CADM2: variants seen among roughly 807,000 people sequenced by gnomAD.
CADM2 encodes cell adhesion molecule 2.
In CADM2, 12 loss-of-function variants were observed where a neutral mutation model predicts 49.8. That is an observed-to-expected ratio of 0.24 (90% CI 0.15 to 0.39). The LOEUF (loss-of-function observed/expected upper bound fraction) is 0.39, where lower values mean the gene tolerates loss of function less well. Among genes scored for constraint, CADM2 ranks in the 10% least tolerant of loss-of-function variants. CADM2 has a pLI of 1.00. For synonymous variants in CADM2, 214 were observed against 175.4 expected, an observed-to-expected ratio of 1.22 and a Z score of -1.74; for missense variants, 378 against 492.3, an observed-to-expected ratio of 0.77 and a Z score of 2.20.
chr3:85,776,353 A>G (rs1350513264), intron 2 of CADM2, among the ~76,000 whole-genome samples: 6 of 151,760 alleles, frequency 4.0e-5, no homozygotes, highest in Admixed American at 2.0e-4. Flanking sequence ...ACACACACAC[A>G]CACACACACA....
intron 1 of CADM2, among the ~76,000 whole-genome samples, chr3:85,643,381 G>T (rs915668706): frequency 6.6e-6 from 1 of 152,066 alleles, no homozygotes; most frequent in Non-Finnish European, 1.5e-5. Context: ...ATAACACAAA[G>T]AACTTTTATA....
At chr3:85,627,150 T>C (rs1291427739) in intron 1 of CADM2, among the ~76,000 whole-genome samples, 1 of 152,040 alleles carries the variant, frequency 6.6e-6, no homozygotes, top group Non-Finnish European at 1.5e-5. Context: ...TTGGAAACCT[T>C]GTGTCTGATA....
At chr3:85,847,537 C>T (rs2074933766) in intron 3 of CADM2, among the ~76,000 whole-genome samples, 1 of 152,114 alleles carries the variant, frequency 6.6e-6, no homozygotes, top group Admixed American at 6.5e-5. Context: ...ATTACTTAAT[C>T]TTAAAAATGT....
rs569984024 is a variant in CADM2, at chr3:84,970,768, G to A, written c.61+11100G>A. Among the ~76,000 whole-genome samples, 5 of 152,104 alleles carry A rather than the reference G, an allele frequency of 3.3e-5. No individual in the cohort carries two copies. The South Asian group carries it at 1.0e-3, about 32-fold the overall frequency. ...CTATTAGCACCTAGTCTTGCTTTAT[G>A]TTAAACCATGTCTGTATGATGCTAC... is the stretch of plus-strand genomic sequence containing the variant. On this transcript the variant is annotated intron_variant, in intron 1 of 9. Transcript: ENST00000383699.
chr3:85,927,939 C>T (rs549748551), intron 6 of CADM2, among the ~76,000 whole-genome samples: 2 of 152,140 alleles, frequency 1.3e-5, no homozygotes, highest in Admixed American at 6.5e-5. Flanking sequence ...ACGCTAAATA[C>T]TTTCAAAGCT....
At chr3:85,265,681 A>T (rs1418151113) in intron 1 of CADM2, among the ~76,000 whole-genome samples, 1 of 151,990 alleles carries the variant, frequency 6.6e-6, no homozygotes, top group Non-Finnish European at 1.5e-5. Context: ...ACTTTGGGGG[A>T]CACATTCAAA....
intron 8 of CADM2, among the ~76,000 whole-genome samples, chr3:86,046,692 G>T (rs148605243): frequency 2.0e-5 from 3 of 152,188 alleles, no homozygotes; most frequent in South Asian, 2.1e-4. Flanking sequence ...TATCAGCATG[G>T]ACAATAGGAC....
At chr3:85,801,068 C>T (rs1306244606) in intron 2 of CADM2, 1 of 152,104 alleles carries the variant, frequency 6.6e-6, no homozygotes, top group Non-Finnish European at 1.5e-5. Context: ...ATATTTTAAC[C>T]TGGTTCTAGA....
At chr3:85,882,848 A>G (rs1713018289) in intron 3 of CADM2, among the ~76,000 whole-genome samples, 1 of 152,206 alleles carries the variant, frequency 6.6e-6, no homozygotes, top group East Asian at 1.9e-4. Context: ...TCTACTGCAG[A>G]GAGCTTGTAA....
At chr3:85,223,242 A>G (rs2042079626) in intron 1 of CADM2, among the ~76,000 whole-genome samples, 1 of 152,224 alleles carries the variant, frequency 6.6e-6, no homozygotes, top group Admixed American at 6.5e-5. Flanking sequence ...AGAGGTATGA[A>G]AAAACAGGAT....
intron 7 of CADM2, among the ~76,000 whole-genome samples, chr3:85,941,589 C>T (rs748081252): frequency 6.6e-6 from 1 of 151,988 alleles, no homozygotes; most frequent in Non-Finnish European, 1.5e-5. Flanking sequence ...TCCTGAGCCA[C>T]AGGAAAAGCC....
intron 1 of CADM2, among the ~76,000 whole-genome samples, chr3:85,252,277 A>G (rs566914893): frequency 3.9e-5 from 6 of 152,072 alleles, no homozygotes; most frequent in Non-Finnish European, 5.9e-5. Context: ...GAAAAGTGGA[A>G]TTTTGGAGGT....
intron 7 of CADM2, among the ~76,000 whole-genome samples, chr3:85,945,730 C>A (rs192646084): frequency 6.6e-6 from 1 of 152,110 alleles, no homozygotes; most frequent in South Asian, 2.1e-4. Context: ...ATTCAACAGC[C>A]CTTCATGCTA....
At chr3:85,009,050 T>G (rs973580962) in intron 1 of CADM2, among the ~76,000 whole-genome samples, 3 of 152,246 alleles carry the variant, frequency 2.0e-5, no homozygotes, top group Non-Finnish European at 2.9e-5. Flanking sequence ...AGTGTATGTA[T>G]AGTGAGAGAT....
intron 1 of CADM2, among the ~76,000 whole-genome samples, chr3:85,031,583 C>T (rs1254117185): frequency 6.6e-6 from 1 of 152,136 alleles, no homozygotes; most frequent in Non-Finnish European, 1.5e-5. Context: ...GGCGCGATCT[C>T]GGCTCACTGC....
chr3:85,305,938 A>G (rs2044201481), intron 1 of CADM2, among the ~76,000 whole-genome samples: 1 of 151,666 alleles, frequency 6.6e-6, no homozygotes, highest in African/African-American at 2.4e-5. Flanking sequence ...GGATCCAGCA[A>G]TAAATACCAC....
intron 1 of CADM2, among the ~76,000 whole-genome samples, chr3:85,575,280 A>C (rs1671186716): frequency 1.3e-5 from 2 of 152,220 alleles, no homozygotes; most frequent in South Asian, 4.1e-4. Context: ...GGCTGGGCGC[A>C]GTGGCTCACG....
At chr3:85,840,090 G>A (rs962381068) in intron 3 of CADM2, among the ~76,000 whole-genome samples, 6 of 151,550 alleles carry the variant, frequency 4.0e-5, no homozygotes, top group Non-Finnish European at 2.9e-5. Flanking sequence ...TATTCAACAT[G>A]CGTCCTTTTT....
chr3:85,100,045 C>A (rs557987638), intron 1 of CADM2, among the ~76,000 whole-genome samples: 1 of 152,184 alleles, frequency 6.6e-6, no homozygotes, highest in South Asian at 2.1e-4. Context: ...CTGCTCTAGT[C>A]TTGAGGAACT....
Sources: allele counts gnomAD v4.1 joint callset (sites outside exome capture counted in the v4.1 genomes callset), GRCh38; gene constraint gnomAD v4.1.1; transcripts MANE v1.5; gene names NCBI Gene and HGNC (gene_info 2026-07-23, HGNC 2026-07-21).